ABL1: variants seen among roughly 807,000 people sequenced by gnomAD.
The protein encoded by ABL1 is tyrosine-protein kinase ABL1.
In ABL1, 11 loss-of-function variants were observed where a neutral mutation model predicts 94.7. The observed-to-expected ratio is 0.12, with a 90% CI of 0.07 to 0.19. The LOEUF (loss-of-function observed/expected upper bound fraction) is 0.19, where lower values mean the gene tolerates loss of function less well. Among genes scored for constraint, ABL1 ranks in the 10% least tolerant of loss-of-function variants. The pLI is 1.00. For missense variants in ABL1, 1,082 were observed against 1,489.4 expected, an observed-to-expected ratio of 0.73 and a Z score of 4.50; for synonymous variants, 656 against 622.4, an observed-to-expected ratio of 1.05 and a Z score of -0.80.
At position 130,735,957 on chromosome 9, in the gene ABL1, A is replaced by ATTTTTTTT. The variant is rs1238756333; in HGVS notation, c.136+21503_136+21504insTTTTTTTT. Among the ~76,000 whole-genome samples the ATTTTTTTT allele has an allele frequency of 6.2e-4, 27 of 43,820 alleles. 1 individual carries two copies. The highest frequency in any genetic ancestry group is 3.2e-3 in the African/African-American group (27 of 8,322). The allele number at this position is 43,820 out of a possible 152,430, so 28.7% of individuals were successfully genotyped here. The stretch of plus-strand genomic sequence containing the variant: ...TGCATATATATATATATATATATAT[A>ATTTTTTTT]TATATTTTTTTTTTTTAAGACAGGG... On this transcript the variant is annotated intron_variant, in intron 1 of 10. Coordinates refer to the ABL1 transcript ENST00000372348.
At chr9:130,735,392 A>G (rs557758701) in intron 1 of ABL1, among the ~76,000 whole-genome samples, 4 of 152,206 alleles carry the variant, frequency 2.6e-5, no homozygotes, top group African/African-American at 7.2e-5. Context: ...CTACAGAACA[A>G]ACATGTATTT....
intron 1 of ABL1, among the ~76,000 whole-genome samples, chr9:130,852,864 T>TA (rs369660727): frequency 4.0e-4 from 60 of 149,498 alleles, no homozygotes; most frequent in African/African-American, 1.1e-3. Context: ...GCCACAAGGT[T>TA]AAAAAAAAAA....
At chr9:130,850,168 T>TA (rs1327740306) in intron 1 of ABL1, among the ~76,000 whole-genome samples, 1 of 152,246 alleles carries the variant, frequency 6.6e-6, no homozygotes, top group Non-Finnish European at 1.5e-5. Context: ...TTCTTTCAGA[T>TA]ATAGCTGTTG....
intron 1 of ABL1, among the ~76,000 whole-genome samples, chr9:130,721,117 G>A (rs1285654508): frequency 1.3e-5 from 2 of 152,060 alleles, no homozygotes; most frequent in Non-Finnish European, 2.9e-5. Flanking sequence ...TGTGACTCAC[G>A]CCTGTCATCC....
At chr9:130,883,850 T>A in intron 10 of ABL1, 119 bp from the exon 11 acceptor site, 1 of 1,255,184 alleles carries the variant, frequency 8.0e-7, no homozygotes, top group Non-Finnish European at 1.1e-6. Context: ...AGATGGAGTC[T>A]CACTCTGTCT....
chr9:130,726,224 A>G (rs1189245202), intron 1 of ABL1, among the ~76,000 whole-genome samples: 2 of 147,500 alleles, frequency 1.4e-5, no homozygotes. Context: ...GTACAGCTTG[A>G]TGAATGATCA....
At chr9:130,820,462 T>A (rs1011396444) in intron 1 of ABL1, among the ~76,000 whole-genome samples, 2 of 152,240 alleles carry the variant, frequency 1.3e-5, no homozygotes, top group African/African-American at 4.8e-5. Context: ...TGAGTCAACC[T>A]GTATTCCATC....
chr9:130,781,487 GAGA>G (rs1829755539), intron 1 of ABL1, among the ~76,000 whole-genome samples: 1 of 152,114 alleles, frequency 6.6e-6, no homozygotes, highest in Non-Finnish European at 1.5e-5. Flanking sequence ...ATTTTCAGTG[GAGA>G]AGAATTGCCA....
intron 1 of ABL1, among the ~76,000 whole-genome samples, chr9:130,729,996 GC>G (rs1831641141): frequency 6.7e-6 from 1 of 149,028 alleles, no homozygotes; most frequent in South Asian, 2.1e-4. Context: ...ACCTGCCTTG[GC>G]CCCCCAAAGT....
chr9:130,741,652 T>G (rs1247391209), intron 1 of ABL1, among the ~76,000 whole-genome samples: 2 of 152,008 alleles, frequency 1.3e-5, no homozygotes, highest in Non-Finnish European at 2.9e-5. Context: ...TAATACCAGT[T>G]ACCATGCTGG....
At chr9:130,851,415 A>T (rs1402071622) in intron 1 of ABL1, among the ~76,000 whole-genome samples, 1 of 152,156 alleles carries the variant, frequency 6.6e-6, no homozygotes, top group Non-Finnish European at 1.5e-5. Context: ...CTGAAGGTTG[A>T]CTTCAGTTAG....
At chr9:130,750,934 C>T (rs1239186100) in intron 1 of ABL1, among the ~76,000 whole-genome samples, 1 of 151,664 alleles carries the variant, frequency 6.6e-6, no homozygotes, top group Non-Finnish European at 1.5e-5. Context: ...TGTGAGCCAC[C>T]ACGCCCGGCC....
chr9:130,784,187 G>T (rs193228951), intron 1 of ABL1, among the ~76,000 whole-genome samples: 1 of 152,248 alleles, frequency 6.6e-6, no homozygotes, highest in Admixed American at 6.5e-5. Flanking sequence ...ACATGATTTA[G>T]TGATACATAA....
At position 130,885,891 on chromosome 9, in the gene ABL1, G is replaced by T; in HGVS notation, c.*208G>T. The T allele has an allele frequency of 1.6e-6, 1 of 630,140 alleles. No homozygotes were observed. Among genetic ancestry groups the T allele is most frequent in the African/African-American group, 1.8e-5 (1 of 54,392 alleles). 39.0% of individuals were successfully genotyped at this position (630,140 alleles called of 1,614,324 possible). ...GCCCTCCCGCACCTTCCTCCTCCCCGCTCCGTCTCTGTCCTCGAATTTTAT... is the reference window on the plus strand; with the variant it reads ...GCCCTCCCGCACCTTCCTCCTCCCCTCTCCGTCTCTGTCCTCGAATTTTAT... On this transcript the variant is annotated 3_prime_UTR_variant, in exon 11 of 11. Coordinates refer to ENST00000318560, the MANE Select transcript of ABL1 (RefSeq NM_005157.6).
In ABL1 at chr9:130,884,833, C is replaced by A; in HGVS notation, c.2543C>A (p.Ala848Asp). 1.2e-6 allele frequency: 2 copies of A among 1,604,514 alleles called. No individual in the cohort carries two copies. Among genetic ancestry groups the A allele is most frequent in the Non-Finnish European group, 1.7e-6 (2 of 1,174,692 alleles). ...AGTGCCTTAGGGACCCCTGCTGCAG[C>A]TGAGCCAGTGACCCCCACCAGCAAA... The part of the protein sequence containing the change: ...KGSALGTPAA[A>D]EPVTPTSKAG... Residue 848 changes from alanine to aspartate, a missense_variant, in exon 11 of 11, where the codon GCT becomes GAT. Coordinates refer to ENST00000318560, the MANE Select transcript of ABL1 (RefSeq NM_005157.6). This position sits in a 1 kb window ranked among gnomAD's most constrained non-coding sequence, Gnocchi z 5.6.
At chr9:130,829,856 G>C (rs1830473349) in intron 1 of ABL1, among the ~76,000 whole-genome samples, 1 of 152,110 alleles carries the variant, frequency 6.6e-6, no homozygotes, top group South Asian at 2.1e-4. Context: ...TATTGTTTTG[G>C]GGGGTTATGG....
chr9:130,743,381 T>G (rs1053500242), intron 1 of ABL1, among the ~76,000 whole-genome samples: 1 of 152,198 alleles, frequency 6.6e-6, no homozygotes, highest in African/African-American at 2.4e-5. Context: ...CCTAGTTTAT[T>G]CTTTTAATAG....
At chr9:130,860,702 G>C (rs534927442) in intron 3 of ABL1, among the ~76,000 whole-genome samples, 13 of 152,336 alleles carry the variant, frequency 8.5e-5, no homozygotes, top group Non-Finnish European at 1.8e-4. Context: ...CTGATTGCAG[G>C]AATGTCTTCT....
chr9:130,762,463 A>G (rs1029896375), intron 1 of ABL1, among the ~76,000 whole-genome samples: 3 of 152,164 alleles, frequency 2.0e-5, no homozygotes, highest in Admixed American at 6.5e-5. Context: ...AGAAATTAAC[A>G]GTTGTTGGGT....
Sources: gnomAD v4.1 joint callset for allele counts (sites outside exome capture counted in the v4.1 genomes callset) on GRCh38, gnomAD v4.1.1 for gene constraint, Gnocchi (gnomAD v3.1) non-coding constraint, MANE v1.5 for transcripts, NCBI Gene and HGNC (gene_info 2026-07-23, HGNC 2026-07-21) for gene names.